Variants in CDKL5 observed in about 807,000 individuals in gnomAD.
CDKL5 encodes cyclin dependent kinase like 5.
A neutral mutation model predicts 61.7 loss-of-function variants in CDKL5; 8 were observed. The ratio of observed to expected loss-of-function variants is 0.13; its 90% confidence interval spans 0.08 to 0.23. The LOEUF (loss-of-function observed/expected upper bound fraction) is 0.23. Ranked by LOEUF, CDKL5 falls within the 10% of genes least tolerant of loss-of-function variation. The pLI is 1.00. For synonymous variants in CDKL5, 275 were observed against 272.3 expected, an observed-to-expected ratio of 1.01 and a Z score of -0.10; for missense variants, 440 against 734.5, an observed-to-expected ratio of 0.60 and a Z score of 4.63.
At position 18,587,946 on chromosome X, in the gene CDKL5, T is replaced by C. The variant is rs1318164975; in HGVS notation, c.555-8T>C. 2 of 1,205,545 alleles carry C rather than the reference T, an allele frequency of 1.7e-6. No individual in the cohort carries two copies. Among genetic ancestry groups the C allele is most frequent in the Non-Finnish European group, 2.2e-6 (2 of 891,084 alleles). ...GTTGCCAAAATAATCTCTTCCTTTA[T>C]TTTTCAGCGCTCCCTATGGAAAGTC... is the stretch of plus-strand genomic sequence containing the variant. On this transcript the variant is annotated splice_polypyrimidine_tract_variant and splice_region_variant and intron_variant, in intron 8 of 17. Coordinates refer to ENST00000623535, the MANE Select transcript of CDKL5 (RefSeq NM_001323289.2).
chrX:18,558,101 G>C (rs1924667918), intron 3 of CDKL5, among the ~76,000 whole-genome samples: 1 of 110,952 alleles, frequency 9.0e-6, no homozygotes, highest in African/African-American at 3.3e-5. Context: ...TAGTCTCTCT[G>C]TTTGTGTTCC....
At chrX:18,613,914 G>A (rs60172824) in intron 15 of CDKL5, among the ~76,000 whole-genome samples, 218 of 112,034 alleles carry the variant, frequency 1.9e-3, no homozygotes, top group African/African-American at 6.6e-3. Context: ...TTTTTGTGTC[G>A]CATCTAATAA....
rs963899526 is a variant in CDKL5 at position 18,613,243 on chromosome X, C to T, written c.2244C>T (p.Asn748=). ...SLPSESSSGT[N]HSKRQPAFDP... ...CATCAGAGAGCAGTTCTGGAACCAA[C>T]CACTCAAAAAGACAACCAGCATTCG... Residue 748 remains asparagine (N), a synonymous_variant, in exon 15 of 18, where the codon AAC becomes AAT. Coordinates refer to ENST00000623535, the MANE Select transcript of CDKL5 (RefSeq NM_001323289.2). 6 of 1,202,301 alleles carry T rather than the reference C, an allele frequency of 5.0e-6. No individual in the cohort carries two copies. Among genetic ancestry groups the T allele is most frequent in the Non-Finnish European group, 6.7e-6 (6 of 890,314 alleles).
chrX:18,616,998 A>C (rs1488525554), intron 15 of CDKL5, among the ~76,000 whole-genome samples: 2 of 110,971 alleles, frequency 1.8e-5, no homozygotes, highest in African/African-American at 6.6e-5. Flanking sequence ...CCCCAACAAG[A>C]GTCTGTGAGC....
intron 1 of CDKL5, among the ~76,000 whole-genome samples, chrX:18,445,170 C>T (rs1394964246): frequency 9.2e-6 from 1 of 108,340 alleles, no homozygotes; most frequent in African/African-American, 3.4e-5. Flanking sequence ...CTCTGGTTCC[C>T]GGGTTCAAGT....
At chrX:18,597,099 T>C (rs1432045110) in intron 10 of CDKL5, among the ~76,000 whole-genome samples, 5 of 111,132 alleles carry the variant, frequency 4.5e-5, no homozygotes, top group Non-Finnish European at 9.4e-5. Flanking sequence ...AGCCTTCTTA[T>C]GCCCCCTTCC....
At chrX:18,458,922 C>T (rs955054161) in intron 1 of CDKL5, among the ~76,000 whole-genome samples, 5 of 111,502 alleles carry the variant, frequency 4.5e-5, no homozygotes, top group African/African-American at 9.8e-5. Flanking sequence ...GTTGGAAAAG[C>T]TTTGGTTAGT....
At chrX:18,556,513 C>G (rs763252863) in intron 3 of CDKL5, among the ~76,000 whole-genome samples, 2 of 111,316 alleles carry the variant, frequency 1.8e-5, no homozygotes, top group Non-Finnish European at 3.8e-5. Flanking sequence ...ACTCAGTATC[C>G]TCATCTGTAA....
intron 12 of CDKL5, among the ~76,000 whole-genome samples, chrX:18,608,306 C>G (rs1215444187): frequency 3.6e-5 from 4 of 111,998 alleles, no homozygotes; most frequent in Non-Finnish European, 7.5e-5. Context: ...AGGATTTTAA[C>G]ACAAAAAATT....
chrX:18,650,744 T>C, intron 21 of CDKL5: 1 of 682,230 alleles, frequency 1.5e-6, no homozygotes, highest in Non-Finnish European at 2.2e-6. Flanking sequence ...GTGATTGTAA[T>C]GGGCAGTCAA....
intron 3 of CDKL5, among the ~76,000 whole-genome samples, chrX:18,527,791 A>G (rs1464058657): frequency 9.0e-6 from 1 of 111,572 alleles, no homozygotes; most frequent in Non-Finnish European, 1.9e-5. Context: ...TTCCTAAGGT[A>G]AAGCGTAGAT....
At chrX:18,452,587 G>T (rs772231060) in intron 1 of CDKL5, among the ~76,000 whole-genome samples, 2 of 108,971 alleles carry the variant, frequency 1.8e-5, no homozygotes, top group Non-Finnish European at 3.8e-5. Flanking sequence ...TACCACGCCC[G>T]GCTAATTTTT....
intron 16 of CDKL5, chrX:18,623,860 T>C (rs1926961650): frequency 1.4e-6 from 1 of 738,907 alleles, no homozygotes; most frequent in Non-Finnish European, 1.6e-6. Flanking sequence ...AATTAGTTTA[T>C]TTGTATCTTA....
Position 18,598,601 on chromosome X carries a change from C to G in CDKL5, c.965C>G (p.Thr322Arg). ...KRKPYHVESS[T>R]LSNRNQAGKS... ...AAACCTTACCATGTGGAAAGCAGCA[C>G]ATTGTCTAATAGGTAAATATTCCCT... is the stretch of plus-strand genomic sequence containing the variant. The change falls in exon 11 of 18, where the codon ACA becomes AGA. Residue 322 changes from threonine (T) to arginine (R), a missense_variant. Thr to Arg is a moderately conservative substitution (Grantham distance 71). Around this residue, in one of 2 missense-constraint regions of CDKL5, gnomAD observed 363 missense variants for 516.3 expected, o/e 0.70. Transcript: ENST00000623535. The G allele has an allele frequency of 8.3e-7, 1 of 1,209,312 alleles. No individual in the cohort carries two copies. Among genetic ancestry groups the G allele is most frequent in the Non-Finnish European group, 1.1e-6 (1 of 893,346 alleles).
At chrX:18,500,894 A>C (rs1922357054) in intron 1 of CDKL5, among the ~76,000 whole-genome samples, 1 of 110,731 alleles carries the variant, frequency 9.0e-6, no homozygotes, top group South Asian at 3.9e-4. Flanking sequence ...GCTGGAGTGC[A>C]GTGACGTGAT....
At chrX:18,460,736 A>G (rs1165811536) in intron 1 of CDKL5, among the ~76,000 whole-genome samples, 1 of 111,440 alleles carries the variant, frequency 9.0e-6, no homozygotes, top group East Asian at 2.8e-4. Flanking sequence ...CCTGGGCTCA[A>G]GTGATCCTCT....
At chrX:18,573,275 T>A (rs56386130) in intron 4 of CDKL5, among the ~76,000 whole-genome samples, 10,046 of 111,418 alleles carry the variant, frequency 0.09, 991 homozygotes, top group African/African-American at 0.28. Flanking sequence ...TGTTTCTTAT[T>A]TGAGATCTGT....
At chrX:18,489,734 G>A (rs1043817798) in intron 1 of CDKL5, among the ~76,000 whole-genome samples, 2 of 110,198 alleles carry the variant, frequency 1.8e-5, no homozygotes, top group Non-Finnish European at 3.8e-5. Flanking sequence ...GATGTCTTAT[G>A]TCTCCCTGAA....
At chrX:18,516,797 C>T (rs927732044) in intron 3 of CDKL5, among the ~76,000 whole-genome samples, 3 of 111,967 alleles carry the variant, frequency 2.7e-5, no homozygotes, top group Admixed American at 9.5e-5. Flanking sequence ...AGTCCAATGG[C>T]GCTATCTCGG....
Sources: gnomAD v4.1 joint callset for allele counts (sites outside exome capture counted in the v4.1 genomes callset) on GRCh38, gnomAD v4.1.1 for gene constraint, gnomAD v4.1.1 regional missense constraint, MANE v1.5 for transcripts, NCBI Gene and HGNC (gene_info 2026-07-23, HGNC 2026-07-21) for gene names.